Variants in RBFOX2 observed in about 807,000 individuals in gnomAD.
RBFOX2 encodes RNA binding fox-1 homolog 2.
In RBFOX2, 10 loss-of-function variants were observed where a neutral mutation model predicts 49.1. The ratio of observed to expected loss-of-function variants is 0.20; its 90% CI spans 0.13 to 0.35. The LOEUF (loss-of-function observed/expected upper bound fraction) is 0.35. RBFOX2 is among the 10% of genes least tolerant of loss of function. RBFOX2 has a pLI of 1.00. For missense variants in RBFOX2, 323 were observed against 486.9 expected (o/e 0.66, Z 3.17); for synonymous variants, 183 against 187.4 (o/e 0.98, Z 0.19).
chr22:35,969,214 T>C (rs1490754469), intron 1 of RBFOX2, among the ~76,000 whole-genome samples: 2 of 152,100 alleles, frequency 1.3e-5, no homozygotes, highest in Non-Finnish European at 2.9e-5. Flanking sequence ...CAAAAGTAGC[T>C]TTTGTACAAC....
upstream of RBFOX2, among the ~76,000 whole-genome samples, chr22:35,966,318 T>C (rs754987912): frequency 3.9e-5 from 6 of 152,222 alleles, no homozygotes; most frequent in Non-Finnish European, 8.8e-5. Context: ...TGTCTTTCAG[T>C]GCACACATGT....
intron 1 of RBFOX2, among the ~76,000 whole-genome samples, chr22:36,003,195 T>C (rs1196178730): frequency 6.6e-6 from 1 of 152,234 alleles, no homozygotes; most frequent in African/African-American, 2.4e-5. Context: ...TATTAACTCA[T>C]TCTTCCCATA....
At chr22:35,881,968 A>T (rs2045964349) in intron 1 of RBFOX2, among the ~76,000 whole-genome samples, 2 of 151,962 alleles carry the variant, frequency 1.3e-5, no homozygotes, top group Admixed American at 6.6e-5. Context: ...CAAAAGAAAA[A>T]AAGAAAAGAA....
At chr22:35,923,714 C>A (rs899979326) in intron 1 of RBFOX2, among the ~76,000 whole-genome samples, 1 of 152,038 alleles carries the variant, frequency 6.6e-6, no homozygotes, top group Non-Finnish European at 1.5e-5. Context: ...AAACCCTTCC[C>A]CCCCACCCAA....
chr22:35,815,247 T>G (rs1010077706), intron 1 of RBFOX2, among the ~76,000 whole-genome samples: 4 of 152,244 alleles, frequency 2.6e-5, no homozygotes, highest in African/African-American at 7.2e-5. Flanking sequence ...GGTTGTTTAC[T>G]TCAGAGGTGG....
At chr22:35,756,062 T>G in intron 9 of RBFOX2, 43 bp downstream of exon 11, 1 of 1,299,066 alleles carries the variant, frequency 7.7e-7, no homozygotes, top group Non-Finnish European at 9.9e-7. Context: ...AAGGCTGGCT[T>G]GTCAGGGGAT....
intron 1 of RBFOX2, among the ~76,000 whole-genome samples, chr22:35,891,478 C>T (rs2047236318): frequency 6.6e-6 from 1 of 151,892 alleles, no homozygotes; most frequent in Admixed American, 6.6e-5. Flanking sequence ...GTATTTGCAA[C>T]AGCTGGCTCT....
At chr22:35,788,465 A>G (rs1946892108) in intron 2 of RBFOX2, among the ~76,000 whole-genome samples, 1 of 152,226 alleles carries the variant, frequency 6.6e-6, no homozygotes. Flanking sequence ...AAAAAAGCAA[A>G]ATAGGAAATT....
exon 1 of RBFOX2, chr22:35,840,231 T>G: frequency 6.2e-7 from 1 of 1,614,124 alleles, no homozygotes; most frequent in East Asian, 2.2e-5. Context: ...ACCAAACGGA[T>G]AGATGATAAA....
intron 1 of RBFOX2, among the ~76,000 whole-genome samples, chr22:35,850,877 T>G (rs571577578): frequency 1.3e-5 from 2 of 152,356 alleles, no homozygotes; most frequent in East Asian, 3.9e-4. Flanking sequence ...TTGTAACTAT[T>G]GATCCTACGA....
At chr22:35,887,851 C>T (rs1425843814) in intron 1 of RBFOX2, among the ~76,000 whole-genome samples, 2 of 152,152 alleles carry the variant, frequency 1.3e-5, no homozygotes, top group African/African-American at 2.4e-5. Context: ...TCATTACCTA[C>T]AAAAATTTCA....
intron 2 of RBFOX2, among the ~76,000 whole-genome samples, chr22:35,793,478 G>A (rs1486309273): frequency 6.6e-6 from 1 of 152,112 alleles, no homozygotes; most frequent in African/African-American, 2.4e-5. Context: ...GAGTACAAAC[G>A]CAATAACATG....
intron 1 of RBFOX2, among the ~76,000 whole-genome samples, chr22:35,918,988 A>T (rs2050727337): frequency 7.6e-6 from 1 of 132,412 alleles, no homozygotes; most frequent in Non-Finnish European, 1.6e-5. Context: ...TTCCCACCAT[A>T]AAAAAAAAAT....
chr22:35,894,748 C>A (rs2047635322), intron 1 of RBFOX2, among the ~76,000 whole-genome samples: 1 of 152,134 alleles, frequency 6.6e-6, no homozygotes, highest in African/African-American at 2.4e-5. Flanking sequence ...AACAGCAGAA[C>A]CTCGCAGCTT....
At position 35,759,422 on chromosome 22, in the gene RBFOX2, C is replaced by T. The variant is rs1338834238; in HGVS notation, c.887+466G>A. 1.3e-5 allele frequency among the ~76,000 whole-genome samples: 2 copies of T among 152,196 alleles called. No homozygotes were observed. The highest frequency in any genetic ancestry group is 2.9e-5 in the Non-Finnish European group (2 of 68,030). Reference sequence around the variant, plus strand: ...ATTGTGGGTAACTAGCTCTGCTGCTCACCACCCAGGCAGTGAAACCAAAGG... The same window carrying T: ...ATTGTGGGTAACTAGCTCTGCTGCTTACCACCCAGGCAGTGAAACCAAAGG... On this transcript the variant is annotated intron_variant, in intron 9 of 11. Transcript: ENST00000405409. This position sits in a 1 kb window ranked among gnomAD's most constrained non-coding sequence, Gnocchi z 4.6.
intron 1 of RBFOX2, among the ~76,000 whole-genome samples, chr22:35,969,743 A>T (rs1223339910): frequency 1.3e-5 from 2 of 152,248 alleles, no homozygotes; most frequent in African/African-American, 2.4e-5. Context: ...GTGATTTTTT[A>T]AAAATCTTTT....
At chr22:35,800,239 C>T (rs921982814) in intron 2 of RBFOX2, among the ~76,000 whole-genome samples, 3 of 152,064 alleles carry the variant, frequency 2.0e-5, no homozygotes, top group Non-Finnish European at 2.9e-5. Context: ...GAATTCATTC[C>T]CCCTCTACAT....
intron 1 of RBFOX2, among the ~76,000 whole-genome samples, chr22:36,001,558 G>C (rs900118567): frequency 6.6e-6 from 1 of 152,090 alleles, no homozygotes; most frequent in African/African-American, 2.4e-5. Context: ...CCAGGAGCTT[G>C]AGACCAGCCT....
At chr22:35,976,869 C>T (rs1770224266) in intron 1 of RBFOX2, among the ~76,000 whole-genome samples, 1 of 151,232 alleles carries the variant, frequency 6.6e-6, no homozygotes, top group Non-Finnish European at 1.5e-5. Flanking sequence ...GAGGCTGAGG[C>T]AGGAGAATCT....
Sources: gnomAD v4.1 joint callset for allele counts (sites outside exome capture counted in the v4.1 genomes callset) on GRCh38, gnomAD v4.1.1 for gene constraint, Gnocchi (gnomAD v3.1) non-coding constraint, MANE v1.5 for transcripts, NCBI Gene and HGNC (gene_info 2026-07-23, HGNC 2026-07-21) for gene names.